Variants in AGPAT3 observed in about 807,000 individuals in gnomAD.
AGPAT3 encodes 1-acyl-sn-glycerol-3-phosphate acyltransferase gamma.
Under a neutral mutation model 47.3 loss-of-function variants are expected in AGPAT3, and 5 were observed. The observed-to-expected ratio is 0.11, with a 90% confidence interval of 0.06 to 0.22. The LOEUF (loss-of-function observed/expected upper bound fraction) is 0.22, where lower values mean the gene tolerates loss of function less well. Ranked by LOEUF, AGPAT3 falls within the 10% of genes least tolerant of loss-of-function variation. The pLI, the probability that AGPAT3 is intolerant of heterozygous loss-of-function variation, is 1.00. For synonymous variants in AGPAT3, 212 were observed against 208.3 expected, an observed-to-expected ratio of 1.02 and a Z score of -0.15; for missense variants, 315 against 493.0, an observed-to-expected ratio of 0.64 and a Z score of 3.42.
chr21:43,913,714 A>G (rs945487997), intron 2 of AGPAT3, among the ~76,000 whole-genome samples: 1 of 152,178 alleles, frequency 6.6e-6, no homozygotes, highest in Non-Finnish European at 1.5e-5. Context: ...TTTGGTTGGC[A>G]GCTGCTGGGA....
chr21:43,870,010 T>C (rs1326733624), intron 1 of AGPAT3, among the ~76,000 whole-genome samples: 2 of 152,240 alleles, frequency 1.3e-5, no homozygotes, highest in African/African-American at 4.8e-5. Context: ...TGGCTAAGTT[T>C]AGTGACTTTT....
intron 2 of AGPAT3, among the ~76,000 whole-genome samples, chr21:43,938,134 ACACACACT>A (rs1454306206): frequency 6.6e-6 from 1 of 151,822 alleles, no homozygotes; most frequent in Non-Finnish European, 1.5e-5. Context: ...ACACACACAC[ACACACACT>A]CACACTCACT....
chr21:43,931,619 G>A (rs534224669), intron 2 of AGPAT3, among the ~76,000 whole-genome samples: 220 of 151,868 alleles, frequency 1.4e-3, no homozygotes, highest in Middle Eastern at 3.4e-3. Flanking sequence ...CATCGGCCCC[G>A]TTAGTGCGAC....
intron 4 of AGPAT3, 60 bp downstream of exon 4, chr21:43,968,175 G>C: frequency 6.3e-7 from 1 of 1,580,594 alleles, no homozygotes; most frequent in South Asian, 1.1e-5. Context: ...AGGGCCGGGG[G>C]TGAGCGGGGA....
chr21:43,974,584 G>A (rs1220012110), intron 7 of AGPAT3, among the ~76,000 whole-genome samples: 3 of 150,796 alleles, frequency 2.0e-5, no homozygotes, highest in Admixed American at 2.0e-4. Flanking sequence ...TATATAAATC[G>A]TGAGGGTGGT....
rs1452296362 is a variant in AGPAT3 at position 43,955,533 on chromosome 21, A to G, written c.-48-4101A>G. ...AGCCTCCTCCTCCCAGGTTCAAGCT[A>G]TTTTCCTGCCTCGGCCTCCCAAAGT... is the stretch of plus-strand genomic sequence containing the variant. On this transcript the variant is annotated intron_variant, in intron 2 of 9. Transcript: ENST00000291572. This position sits in a 1 kb window ranked among gnomAD's most constrained non-coding sequence, Gnocchi z 4.1. Among the ~76,000 whole-genome samples, 1 of 151,784 alleles carries G rather than the reference A, an allele frequency of 6.6e-6. No individual in the cohort carries two copies. The highest frequency in any genetic ancestry group is 1.5e-5 in the Non-Finnish European group (1 of 67,932).
intron 2 of AGPAT3, among the ~76,000 whole-genome samples, chr21:43,941,186 A>G (rs9975576): frequency 0.028 from 4,291 of 152,294 alleles, 201 homozygotes; most frequent in African/African-American, 0.097. Flanking sequence ...GGAAGAGACC[A>G]CAGCTCCCCT....
chr21:43,968,210 G>A, intron 4 of AGPAT3, 95 bp downstream of exon 4: 1 of 1,422,730 alleles, frequency 7.0e-7, no homozygotes, highest in South Asian at 1.3e-5. Flanking sequence ...GGGTGAGCAG[G>A]GGGTCCCTGC....
intron 2 of AGPAT3, among the ~76,000 whole-genome samples, chr21:43,915,415 T>C (rs892758203): frequency 2.3e-4 from 29 of 127,664 alleles, no homozygotes; most frequent in African/African-American, 8.7e-4. Flanking sequence ...CTTTTTTTTT[T>C]TTTTTTTTTT....
In AGPAT3 at chr21:43,934,464, G is replaced by A. The variant is rs1569073601; in HGVS notation, c.-48-25170G>A. Among the ~76,000 whole-genome samples the A allele has an allele frequency of 6.6e-6, 1 of 152,266 alleles. No individual in the cohort carries two copies. The highest frequency in any genetic ancestry group is 1.5e-5 in the Non-Finnish European group (1 of 68,052). ...GCAACCTCGTTGGTAGAGTCAGGAG[G>A]CTGGGCCTCCACTAGGATGTTATAC... is the stretch of plus-strand genomic sequence containing the variant. On this transcript the variant is annotated intron_variant, in intron 2 of 9. Coordinates refer to ENST00000291572, the MANE Select transcript of AGPAT3 (RefSeq NM_020132.5). The surrounding 1 kb of genome is among the most constrained non-coding windows in gnomAD (Gnocchi z 4.7).
At chr21:43,914,090 G>T (rs140610032) in intron 2 of AGPAT3, among the ~76,000 whole-genome samples, 1 of 152,162 alleles carries the variant, frequency 6.6e-6, no homozygotes, top group East Asian at 1.9e-4. Context: ...ACGTCTCTCT[G>T]CCTCTGCAGG....
intron 2 of AGPAT3, among the ~76,000 whole-genome samples, chr21:43,926,249 C>G (rs2087048151): frequency 6.6e-6 from 1 of 152,208 alleles, no homozygotes; most frequent in African/African-American, 2.4e-5. Flanking sequence ...TCAGCCCTGT[C>G]CTCCAGCAGC....
chr21:43,968,957 C>T (rs2089274159), intron 4 of AGPAT3, among the ~76,000 whole-genome samples, 161 bp from the exon 5 acceptor site: 1 of 152,142 alleles, frequency 6.6e-6, no homozygotes, highest in Admixed American at 6.5e-5. Flanking sequence ...CCCACTCACC[C>T]TCAGAAGCCG....
intron 1 of AGPAT3, among the ~76,000 whole-genome samples, chr21:43,897,915 G>A (rs1447087629): frequency 6.6e-6 from 1 of 152,232 alleles, no homozygotes; most frequent in Non-Finnish European, 1.5e-5. Flanking sequence ...GAGGCGGGCA[G>A]ATCACTCGAG....
chr21:43,923,224 G>A (rs1215487517), intron 2 of AGPAT3, among the ~76,000 whole-genome samples: 4 of 151,692 alleles, frequency 2.6e-5, no homozygotes, highest in Non-Finnish European at 5.9e-5. Context: ...GCATGAAGTA[G>A]GGGGTGGGGG....
rs903192328 is a variant in AGPAT3 at position 43,930,563 on chromosome 21, G to A, written c.-49+26544G>A. Among the ~76,000 whole-genome samples the A allele has an allele frequency of 2.0e-5, 3 of 148,020 alleles. No homozygotes were observed. Among genetic ancestry groups the A allele is most frequent in the Non-Finnish European group, 3.0e-5 (2 of 66,808 alleles). On this transcript the variant is annotated intron_variant, in intron 2 of 9. Coordinates refer to ENST00000291572, the MANE Select transcript of AGPAT3 (RefSeq NM_020132.5). This position sits in a 1 kb window ranked among gnomAD's most constrained non-coding sequence, Gnocchi z 5.0. Reference sequence around the variant, plus strand: ...CCTTGGGGACAGCAAGCTCTGCCCCGTGAACTCAGAGGCTGCAGCTCCTGA... The same window carrying A: ...CCTTGGGGACAGCAAGCTCTGCCCCATGAACTCAGAGGCTGCAGCTCCTGA...
At chr21:43,870,248 C>G (rs1000043612) in intron 1 of AGPAT3, among the ~76,000 whole-genome samples, 10 of 152,148 alleles carry the variant, frequency 6.6e-5, no homozygotes, top group Non-Finnish European at 1.2e-4. Flanking sequence ...TCAGTGCACA[C>G]AGGTTATTTT....
intron 6 of AGPAT3, 72 bp from the exon 7 acceptor site, chr21:43,971,316 T>G (rs2089384697): frequency 7.1e-7 from 1 of 1,400,804 alleles, no homozygotes; most frequent in Non-Finnish European, 1.0e-6. Flanking sequence ...CAGGTGGAAC[T>G]TGCTTTTCCC....
chr21:43,929,093 G>A (rs996591949), intron 2 of AGPAT3, among the ~76,000 whole-genome samples: 2 of 152,214 alleles, frequency 1.3e-5, no homozygotes, highest in Non-Finnish European at 2.9e-5. Context: ...CCTGAGTGGC[G>A]GGGCCCCGAT....
Sources: allele counts gnomAD v4.1 joint callset (sites outside exome capture counted in the v4.1 genomes callset), GRCh38; gene constraint gnomAD v4.1.1; non-coding constraint Gnocchi (gnomAD v3.1); transcripts MANE v1.5; gene names NCBI Gene and HGNC (gene_info 2026-07-23, HGNC 2026-07-21).